DLAT: variants seen among roughly 807,000 people sequenced by gnomAD.
The protein encoded by DLAT is dihydrolipoamide S-acetyltransferase, also known as dihydrolipoyllysine-residue acetyltransferase component of pyruvate dehydrogenase complex, mitochondrial.
A neutral mutation model predicts 68.0 loss-of-function variants in DLAT; 43 were observed. The observed-to-expected ratio is 0.63, with a 90% CI of 0.50 to 0.81. The LOEUF (loss-of-function observed/expected upper bound fraction) is 0.81, where lower values mean the gene tolerates loss of function less well. DLAT is among the 40% of genes least tolerant of loss of function. DLAT has a pLI of 0.00. For missense variants in DLAT, 745 were observed against 815.4 expected (o/e 0.91, Z 1.05); for synonymous variants, 265 against 288.6 (o/e 0.92, Z 0.83).
At chr11:112,052,974 CAG>C (rs1863747607) in intron 11 of DLAT, among the ~76,000 whole-genome samples, 1 of 152,072 alleles carries the variant, frequency 6.6e-6, no homozygotes, top group Non-Finnish European at 1.5e-5. Context: ...GGCTCTATGA[CAG>C]GAACTGGCAA....
At chr11:112,038,674 A>T (rs370091896) in intron 6 of DLAT, among the ~76,000 whole-genome samples, 1 of 150,940 alleles carries the variant, frequency 6.6e-6, no homozygotes, top group East Asian at 2.0e-4. Context: ...GTGAAACCCC[A>T]TCTCTACTGA....
At chr11:112,039,153 TTTTAA>T (rs1862925786) in intron 6 of DLAT, 86 bp from the exon 7 acceptor site, 4 of 1,263,334 alleles carry the variant, frequency 3.2e-6, no homozygotes, top group Non-Finnish European at 4.4e-6. Context: ...ATTAAAATAG[TTTTAA>T]TTTATTAATA....
chr11:112,064,084 T>C lies in DLAT; in HGVS notation c.*1549T>C, dbSNP rs1864802957. The C allele has an allele frequency of 8.6e-7, 1 of 1,166,406 alleles. No individual in the cohort carries two copies. The highest frequency in any genetic ancestry group is 1.6e-5 in the African/African-American group (1 of 63,836). The allele number at this position is 1,166,406 out of a possible 1,614,324, so 72.3% of individuals were successfully genotyped here. ...ATTAATTTGATTTTTCAGTAATTAGTAATTTTAGGTTGAAGATTATCCAAA... is the reference window on the plus strand; with the variant it reads ...ATTAATTTGATTTTTCAGTAATTAGCAATTTTAGGTTGAAGATTATCCAAA... On this transcript the variant is annotated 3_prime_UTR_variant, in exon 14 of 14. Transcript: ENST00000280346.
intron 4 of DLAT, chr11:112,030,247 C>T (rs1173964279): frequency 1.2e-5 from 7 of 574,560 alleles, no homozygotes; most frequent in East Asian, 4.6e-5. Context: ...CCAAAGTTCT[C>T]GGTCGTCTTA....
chr11:112,055,961 G>A (rs782575984), intron 11 of DLAT, among the ~76,000 whole-genome samples: 1 of 136,786 alleles, frequency 7.3e-6, no homozygotes, highest in African/African-American at 2.7e-5. Context: ...TCCGCCTCCC[G>A]GGTTCAAGCG....
Position 112,025,408 on chromosome 11 carries a change from G to A in DLAT, c.-65G>A. ...GTGCGGTGTGGCTGACGGCAACGCC[G>A]CTGCTCTTGGAGAGGTCACTCCGGA... On this transcript the variant is annotated 5_prime_UTR_variant, in exon 1 of 14. Transcript: ENST00000280346. 6.4e-7 allele frequency: 1 copy of A among 1,560,404 alleles called. No individual in the cohort carries two copies. The highest frequency in any genetic ancestry group is 8.6e-7 in the Non-Finnish European group (1 of 1,157,754).
At chr11:112,029,247 A>G (rs1862263405) in intron 4 of DLAT, among the ~76,000 whole-genome samples, 1 of 152,212 alleles carries the variant, frequency 6.6e-6, no homozygotes, top group Non-Finnish European at 1.5e-5. Context: ...ACTAACATCT[A>G]TTCCCTGTAT....
chr11:112,060,168 T>TC (rs1592731683), intron 12 of DLAT, 103 bp downstream of exon 12: 1 of 1,147,260 alleles, frequency 8.7e-7, no homozygotes, highest in East Asian at 2.6e-5. Flanking sequence ...ATTTTTTTTT[T>TC]TTTTTTTTTT....
intron 10 of DLAT, among the ~76,000 whole-genome samples, chr11:112,048,132 CTCT>C (rs1325318696): frequency 1.3e-5 from 2 of 152,188 alleles, no homozygotes; most frequent in Admixed American, 1.3e-4. Flanking sequence ...TTTGTGTCCT[CTCT>C]TATTTCCTTG....
In DLAT at chr11:112,051,108, C is replaced by T. The variant is rs587710759; in HGVS notation, c.1399-126C>T. The T allele has an allele frequency of 4.6e-5, 30 of 653,048 alleles. No homozygotes were observed. The highest frequency in any genetic ancestry group is 2.4e-4 in the South Asian group (13 of 53,218). The allele number at this position is 653,048 out of a possible 1,614,324, so 40.5% of individuals were successfully genotyped here. A position where few individuals can be genotyped will look rare whatever the true frequency, so the allele number is the denominator to read the frequency against. On this transcript the variant is annotated intron_variant, in intron 10 of 13. Transcript: ENST00000280346. This position sits in a 1 kb window ranked among gnomAD's most constrained non-coding sequence, Gnocchi z 4.3. ...TACCTGGGTGATGGGTTGACAGGTG[C>T]AGCAAACCACCATGGCACATGTTTA...
intron 10 of DLAT, among the ~76,000 whole-genome samples, chr11:112,046,450 T>A (rs1417653743): frequency 1.3e-5 from 2 of 151,392 alleles, no homozygotes; most frequent in Non-Finnish European, 2.9e-5. Context: ...TTTTTGTAGA[T>A]CTTGTTATTT....
intron 4 of DLAT, among the ~76,000 whole-genome samples, chr11:112,031,600 G>A (rs1462581897): frequency 6.6e-6 from 1 of 151,782 alleles, no homozygotes; most frequent in Non-Finnish European, 1.5e-5. Context: ...TTTTGAGATA[G>A]GGTCTCACTC....
intron 2 of DLAT, among the ~76,000 whole-genome samples, chr11:112,027,917 G>A (rs587641357): frequency 4.9e-5 from 7 of 142,176 alleles, no homozygotes; most frequent in Admixed American, 2.1e-4. Flanking sequence ...AGACCGTGGG[G>A]AGAGGGAGAG....
At chr11:112,056,570 T>G (rs1864101399) in intron 11 of DLAT, among the ~76,000 whole-genome samples, 1 of 152,264 alleles carries the variant, frequency 6.6e-6, no homozygotes, top group African/African-American at 2.4e-5. Context: ...ATATACCTCT[T>G]TATCATTCAC....
Position 112,064,189 on chromosome 11 carries a change from A to G in DLAT, c.*1654A>G. The stretch of plus-strand genomic sequence containing the variant: ...ACATTCAAAACTTCAAAGATAATTC[A>G]TCTTTCGCTAATGCTTGTGGTTCTG... On this transcript the variant is annotated 3_prime_UTR_variant, in exon 14 of 14. Transcript: ENST00000280346. 1 of 1,571,646 alleles carries G rather than the reference A, an allele frequency of 6.4e-7. No individual in the cohort carries two copies. The highest frequency in any genetic ancestry group is 8.6e-7 in the Non-Finnish European group (1 of 1,158,826).
rs75858869 is a variant in DLAT at position 112,059,810 on chromosome 11, A to T, written c.1515-93A>T. 1.0e-3 allele frequency: 1,185 copies of T among 1,173,120 alleles called. 9 individuals carry two copies. In the African/African-American group the frequency reaches 0.017, roughly 16 times the overall value. The allele number at this position is 1,173,120 out of a possible 1,614,324, so 72.7% of individuals were successfully genotyped here. A position where few individuals can be genotyped will look rare whatever the true frequency, so the allele number is the denominator to read the frequency against. On this transcript the variant is annotated intron_variant, in intron 11 of 13. Coordinates refer to ENST00000280346, the MANE Select transcript of DLAT (RefSeq NM_001931.5). ...ACAATAACACACATTGGTTCAAAAA[A>T]TTTTTGAAGTAAATATAAATATTCT...
intron 13 of DLAT, 86 bp from the exon 14 acceptor site, chr11:112,062,320 A>G: frequency 2.1e-6 from 3 of 1,418,748 alleles, no homozygotes; most frequent in Non-Finnish European, 3.0e-6. Context: ...TTGGGATTAT[A>G]GGGTAGGAGT....
chr11:112,040,975 A>G (rs1863025170), intron 7 of DLAT, among the ~76,000 whole-genome samples: 1 of 152,102 alleles, frequency 6.6e-6, no homozygotes, highest in South Asian at 2.1e-4. Flanking sequence ...ATGCAGGCAG[A>G]GTTAGGTGAT....
chr11:112,030,676 G>A (rs1262399085), intron 4 of DLAT, among the ~76,000 whole-genome samples: 3 of 152,212 alleles, frequency 2.0e-5, no homozygotes, highest in Non-Finnish European at 4.4e-5. Context: ...AAGAAACTAA[G>A]TCAGTTTATT....
Sources: allele counts gnomAD v4.1 joint callset (sites outside exome capture counted in the v4.1 genomes callset), GRCh38; gene constraint gnomAD v4.1.1; non-coding constraint Gnocchi (gnomAD v3.1); transcripts MANE v1.5; gene names NCBI Gene and HGNC (gene_info 2026-07-23, HGNC 2026-07-21).